Variants in CXCL13 observed in about 807,000 individuals in gnomAD.
CXCL13 encodes the protein C-X-C motif chemokine ligand 13.
In CXCL13, 7 loss-of-function variants were observed where a neutral mutation model predicts 12.2. The observed-to-expected ratio is 0.57, with a 90% CI of 0.33 to 1.07. The LOEUF (loss-of-function observed/expected upper bound fraction) is 1.07. Among genes scored for constraint, CXCL13 ranks in the 50% least tolerant of loss-of-function variants. The probability of loss-of-function intolerance (pLI) is 0.04; values close to 1 mark genes in which losing one functional copy is unlikely to be tolerated. For synonymous variants in CXCL13, 47 were observed against 42.4 expected (o/e 1.11, Z -0.42); for missense variants, 113 against 127.4 (o/e 0.89, Z 0.55).
intron 1 of CXCL13, among the ~76,000 whole-genome samples, chr4:77,567,626 G>T (rs1289976333): frequency 1.3e-5 from 2 of 152,144 alleles, no homozygotes; most frequent in Middle Eastern, 3.4e-3. Flanking sequence ...AAAAAAGCTG[G>T]CCAAAACCCA....
At chr4:77,564,416 C>A (rs1442377195) in intron 1 of CXCL13, among the ~76,000 whole-genome samples, 2 of 152,146 alleles carry the variant, frequency 1.3e-5, no homozygotes, top group Admixed American at 6.6e-5. Context: ...TTCAAGTGAC[C>A]CAGGAAATTA....
At chr4:77,525,625 T>G (rs1053209965) in intron 1 of CXCL13, among the ~76,000 whole-genome samples, 2 of 152,120 alleles carry the variant, frequency 1.3e-5, no homozygotes, top group Non-Finnish European at 2.9e-5. Context: ...CTTTTTTTTT[T>G]AAGAAAAGTG....
chr4:77,607,631 A>G, intron 1 of CXCL13, 72 bp from the exon 2 acceptor site: 1 of 1,446,320 alleles, frequency 6.9e-7, no homozygotes, highest in Non-Finnish European at 9.5e-7. Flanking sequence ...GTTATGAAAG[A>G]TTAGTAATTA....
intron 1 of CXCL13, among the ~76,000 whole-genome samples, chr4:77,571,254 G>A (rs990179611): frequency 6.6e-6 from 1 of 151,870 alleles, no homozygotes; most frequent in African/African-American, 2.4e-5. Context: ...AGCTGCTCTG[G>A]TGGGGACATG....
chr4:77,521,963 A>G (rs1724612187), intron 1 of CXCL13, among the ~76,000 whole-genome samples: 1 of 151,976 alleles, frequency 6.6e-6, no homozygotes, highest in African/African-American at 2.4e-5. Flanking sequence ...TCATTTTGTT[A>G]TTTACCCAGT....
At chr4:77,577,661 G>C (rs549747966) in intron 1 of CXCL13, among the ~76,000 whole-genome samples, 145 of 152,308 alleles carry the variant, frequency 9.5e-4, no homozygotes, top group Non-Finnish European at 1.9e-3. Flanking sequence ...ATTAATATGA[G>C]TGAAAGCCAC....
chr4:77,568,749 C>A (rs764058104), intron 1 of CXCL13, among the ~76,000 whole-genome samples: 4 of 152,122 alleles, frequency 2.6e-5, no homozygotes, highest in African/African-American at 9.7e-5. Context: ...CTGTTTACTG[C>A]CCCCGAAATG....
At chr4:77,519,113 T>C (rs7663156) in intron 1 of CXCL13, among the ~76,000 whole-genome samples, 75,612 of 151,988 alleles carry the variant, frequency 0.5, 21,858 homozygotes, top group African/African-American at 0.81. Flanking sequence ...AGTGGTTTTT[T>C]GTGAACCGTG....
intron 1 of CXCL13, among the ~76,000 whole-genome samples, chr4:77,518,561 A>G (rs1223106428): frequency 6.6e-6 from 1 of 151,972 alleles, no homozygotes; most frequent in Non-Finnish European, 1.5e-5. Context: ...TCCATTGCTG[A>G]TACCCTTTCT....
chr4:77,526,340 T>A (rs1724766586), intron 1 of CXCL13, among the ~76,000 whole-genome samples: 1 of 152,122 alleles, frequency 6.6e-6, no homozygotes. Flanking sequence ...TGTGAAACAT[T>A]CATCTAATAT....
rs996725043 is a variant in CXCL13, at chr4:77,547,950, T to C, written c.-43+36162T>C. On this transcript the variant is annotated intron_variant, in intron 1 of 4. Coordinates refer to the CXCL13 transcript ENST00000286758. ...CTGGTGGTGACAAAATTTCTCAGCA[T>C]TTGCTTGTCTGTACAGGATTTTATA... 1.3e-4 allele frequency among the ~76,000 whole-genome samples: 20 copies of C among 152,304 alleles called. No individual in the cohort carries two copies. In the South Asian group the frequency reaches 2.3e-3, roughly 17 times the overall value.
chr4:77,598,753 G>T (rs968359840), intron 1 of CXCL13, among the ~76,000 whole-genome samples: 1 of 152,086 alleles, frequency 6.6e-6, no homozygotes, highest in Non-Finnish European at 1.5e-5. Flanking sequence ...GGAAGGTGAG[G>T]TGTCGCCCAA....
chr4:77,557,422 T>C (rs1725685185), intron 1 of CXCL13, among the ~76,000 whole-genome samples: 1 of 152,168 alleles, frequency 6.6e-6, no homozygotes, highest in Non-Finnish European at 1.5e-5. Flanking sequence ...ATCATGACTA[T>C]ATATTGAAGA....
intron 1 of CXCL13, among the ~76,000 whole-genome samples, chr4:77,563,214 C>T (rs1191876488): frequency 1.3e-5 from 2 of 152,122 alleles, no homozygotes; most frequent in Non-Finnish European, 2.9e-5. Context: ...CGGGAGGGTC[C>T]GCAGCCTCAT....
At chr4:77,568,313 C>G (rs1034658305) in intron 1 of CXCL13, among the ~76,000 whole-genome samples, 1 of 152,150 alleles carries the variant, frequency 6.6e-6, no homozygotes, top group African/African-American at 2.4e-5. Context: ...AGCTTGATAG[C>G]CTGTTTGCAG....
In CXCL13 at chr4:77,605,849, C is replaced by A. The variant is rs748252694; in HGVS notation, c.-17C>A. The A allele has an allele frequency of 1.4e-5, 22 of 1,590,278 alleles. No individual in the cohort carries two copies. The Admixed American group carries it at 1.5e-4, about 11-fold the overall frequency. On this transcript the variant is annotated 5_prime_UTR_variant, in exon 1 of 4. Transcript: ENST00000682537. ...CCTGGACTCAGAGCTCAAGTCTGAACTCTACCTCCAGACAGAATGAAGTTC... is the reference window on the plus strand; with the variant it reads ...CCTGGACTCAGAGCTCAAGTCTGAAATCTACCTCCAGACAGAATGAAGTTC...
At chr4:77,547,056 G>A (rs1725384560) in intron 1 of CXCL13, among the ~76,000 whole-genome samples, 1 of 152,224 alleles carries the variant, frequency 6.6e-6, no homozygotes, top group African/African-American at 2.4e-5. Flanking sequence ...AGTTTTGAGT[G>A]AGTTTCTTAA....
intron 1 of CXCL13, among the ~76,000 whole-genome samples, chr4:77,592,395 G>C (rs1265246405): frequency 2.0e-5 from 3 of 152,156 alleles, no homozygotes; most frequent in African/African-American, 7.2e-5. Flanking sequence ...CACAGAAGTA[G>C]AGAGTGGAAT....
intron 1 of CXCL13, among the ~76,000 whole-genome samples, chr4:77,547,751 A>T (rs1725406034): frequency 6.6e-6 from 1 of 152,134 alleles, no homozygotes; most frequent in African/African-American, 2.4e-5. Context: ...TAATATTATT[A>T]TGTGTGAATT....
Sources: allele counts gnomAD v4.1 joint callset (sites outside exome capture counted in the v4.1 genomes callset), GRCh38; gene constraint gnomAD v4.1.1; transcripts MANE v1.5; gene names NCBI Gene and HGNC (gene_info 2026-07-23, HGNC 2026-07-21).